Variants in EPHA6 observed in about 807,000 individuals in gnomAD.
EPHA6 encodes the protein EPH receptor A6.
In EPHA6, 50 loss-of-function variants were observed where a neutral mutation model predicts 112.0. That is an observed-to-expected ratio of 0.45 (90% CI 0.36 to 0.56). The LOEUF is 0.56. Ranked by LOEUF, EPHA6 falls within the 20% of genes least tolerant of loss-of-function variation. The pLI, the probability that EPHA6 is intolerant of heterozygous loss-of-function variation, is 0.00. For missense variants in EPHA6, 1,280 were observed against 1,417.4 expected, an observed-to-expected ratio of 0.90 and a Z score of 1.56; for synonymous variants, 529 against 490.7, an observed-to-expected ratio of 1.08 and a Z score of -1.03.
At chr3:97,589,640 G>A (rs901447478) in intron 11 of EPHA6, among the ~76,000 whole-genome samples, 1 of 152,114 alleles carries the variant, frequency 6.6e-6, no homozygotes, top group African/African-American at 2.4e-5. Context: ...TACTGGGAAA[G>A]TTATCATGAA....
At position 97,734,334 on chromosome 3, in the gene EPHA6, A is replaced by G. The variant is rs144787495; in HGVS notation, c.2935-1591A>G. Among the ~76,000 whole-genome samples, 380 of 152,176 alleles carry G rather than the reference A, an allele frequency of 2.5e-3. 3 individuals carry two copies. Among genetic ancestry groups the G allele is most frequent in the African/African-American group, 8.8e-3 (364 of 41,552 alleles). On this transcript the variant is annotated intron_variant, in intron 15 of 17. Coordinates refer to ENST00000389672, the MANE Select transcript of EPHA6 (RefSeq NM_001080448.3). ...TAGTTGCTTCTCTGAGCTATCCACA[A>G]TAGTTTTAATGCATTGCAAGTGTTT... is the stretch of plus-strand genomic sequence containing the variant.
chr3:96,816,405 T>C (rs1350787599), intron 1 of EPHA6, among the ~76,000 whole-genome samples: 2 of 152,124 alleles, frequency 1.3e-5, no homozygotes, highest in African/African-American at 4.8e-5. Context: ...TCACACTACA[T>C]CCCTCATTTA....
intron 3 of EPHA6, among the ~76,000 whole-genome samples, chr3:97,213,212 C>T (rs1324426953): frequency 6.6e-6 from 1 of 152,174 alleles, no homozygotes; most frequent in African/African-American, 2.4e-5. Flanking sequence ...AAGGCTGAGG[C>T]TTTATTTCCT....
Position 96,926,403 on chromosome 3 carries a change from C to A in EPHA6, c.450+59514C>A, listed in dbSNP as rs1037017236. The stretch of plus-strand genomic sequence containing the variant: ...ATTCCATCCCTGCCCCCCTGCCCCC[C>A]AACAAATCTCATATCTTCTTGCATT... On this transcript the variant is annotated intron_variant, in intron 2 of 17. Coordinates refer to ENST00000389672, the MANE Select transcript of EPHA6 (RefSeq NM_001080448.3). 9.2e-5 allele frequency among the ~76,000 whole-genome samples: 14 copies of A among 152,260 alleles called. 1 individual carries two copies. Among genetic ancestry groups the A allele is most frequent in the Non-Finnish European group, 1.6e-4 (11 of 68,020 alleles).
intron 5 of EPHA6, among the ~76,000 whole-genome samples, chr3:97,270,670 T>C (rs893443805): frequency 6.6e-6 from 1 of 152,210 alleles, no homozygotes; most frequent in Non-Finnish European, 1.5e-5. Context: ...CAGAAGTGCA[T>C]CAAGACTGAC....
At chr3:97,655,744 G>T (rs554064371) in intron 14 of EPHA6, among the ~76,000 whole-genome samples, 4 of 141,008 alleles carry the variant, frequency 2.8e-5, no homozygotes, top group South Asian at 2.3e-4. Context: ...TCACACACTG[G>T]GGGGCCTGTT....
chr3:97,516,492 CAG>C (rs989386487), intron 10 of EPHA6, among the ~76,000 whole-genome samples: 1 of 152,136 alleles, frequency 6.6e-6, no homozygotes, highest in Non-Finnish European at 1.5e-5. Flanking sequence ...AGAAATCAGA[CAG>C]AATTCATCAT....
intron 5 of EPHA6, among the ~76,000 whole-genome samples, chr3:97,371,258 G>A (rs1343838153): frequency 6.6e-6 from 1 of 152,106 alleles, no homozygotes; most frequent in Non-Finnish European, 1.5e-5. Flanking sequence ...TGTTGAGAAA[G>A]TCAACGCTCA....
At chr3:97,067,632 G>A (rs751739627) in intron 3 of EPHA6, among the ~76,000 whole-genome samples, 15 of 151,968 alleles carry the variant, frequency 9.9e-5, no homozygotes, top group African/African-American at 1.2e-4. Flanking sequence ...AGTGGCATAA[G>A]CAAACTCAGA....
At chr3:97,249,025 C>A (rs1260546951) in intron 5 of EPHA6, among the ~76,000 whole-genome samples, 1 of 150,664 alleles carries the variant, frequency 6.6e-6, no homozygotes, top group East Asian at 1.9e-4. Context: ...CTTTTAAAAA[C>A]CTATGCAATA....
At chr3:97,239,911 A>T (rs2078792622) in intron 4 of EPHA6, among the ~76,000 whole-genome samples, 1 of 151,890 alleles carries the variant, frequency 6.6e-6, no homozygotes, top group Non-Finnish European at 1.5e-5. Flanking sequence ...GCTGAATATG[A>T]TGTAATAGGG....
At chr3:97,260,520 A>G (rs1470995809) in intron 5 of EPHA6, among the ~76,000 whole-genome samples, 2 of 152,200 alleles carry the variant, frequency 1.3e-5, no homozygotes, top group Non-Finnish European at 2.9e-5. Flanking sequence ...TGCTGGATAG[A>G]GTTTTGAATA....
At chr3:97,740,737 A>C (rs545984328) in intron 16 of EPHA6, among the ~76,000 whole-genome samples, 3 of 152,266 alleles carry the variant, frequency 2.0e-5, no homozygotes, top group Admixed American at 6.5e-5. Flanking sequence ...ATGCACCAAT[A>C]CTGCTATCTT....
chr3:97,570,908 TC>T (rs1312049327), intron 11 of EPHA6, among the ~76,000 whole-genome samples: 1 of 152,038 alleles, frequency 6.6e-6, no homozygotes, highest in Non-Finnish European at 1.5e-5. Flanking sequence ...AAGGAAATAA[TC>T]CCCTTCCACC....
At chr3:96,973,824 CAAAA>C (rs374520473) in intron 2 of EPHA6, among the ~76,000 whole-genome samples, 3 of 52,700 alleles carry the variant, frequency 5.7e-5, no homozygotes, top group South Asian at 1.1e-3. Flanking sequence ...GACTCCATAT[CAAAA>C]AAAAAAAAAA....
chr3:97,337,186 T>A (rs1484514146), intron 5 of EPHA6, among the ~76,000 whole-genome samples: 1 of 152,154 alleles, frequency 6.6e-6, no homozygotes, highest in Non-Finnish European at 1.5e-5. Flanking sequence ...AATAGGCAAA[T>A]TATAGTGTTC....
intron 5 of EPHA6, among the ~76,000 whole-genome samples, chr3:97,370,680 G>A (rs1051142094): frequency 2.6e-4 from 39 of 152,224 alleles, no homozygotes; most frequent in African/African-American, 8.9e-4. Context: ...GCTTTAACAT[G>A]ACATGCCCAA....
At chr3:97,699,244 A>G (rs2033224817) in intron 14 of EPHA6, among the ~76,000 whole-genome samples, 1 of 152,242 alleles carries the variant, frequency 6.6e-6, no homozygotes, top group South Asian at 2.1e-4. Context: ...GTGATAAAGA[A>G]TATAGGACAG....
chr3:97,758,852 T>C lies in EPHA6; in HGVS notation c.*10151T>C, dbSNP rs1352547560. ...AGTTAATGAATGAAAATTTGGAGTG[T>C]TGGAGAGTAGAGAACAGTGTTCTTG... On this transcript the variant is annotated 3_prime_UTR_variant, in exon 18 of 18. Coordinates refer to ENST00000389672, the MANE Select transcript of EPHA6 (RefSeq NM_001080448.3). Among the ~76,000 whole-genome samples the C allele has an allele frequency of 6.6e-6, 1 of 151,760 alleles. No individual in the cohort carries two copies. The highest frequency in any genetic ancestry group is 1.5e-5 in the Non-Finnish European group (1 of 67,840).
Sources: allele counts gnomAD v4.1 joint callset (sites outside exome capture counted in the v4.1 genomes callset), GRCh38; gene constraint gnomAD v4.1.1; transcripts MANE v1.5; gene names NCBI Gene and HGNC (gene_info 2026-07-23, HGNC 2026-07-21).